Variants in GNA12 observed in about 807,000 individuals in gnomAD.
The protein encoded by GNA12 is guanine nucleotide-binding protein subunit alpha-12.
A neutral mutation model predicts 26.0 loss-of-function variants in GNA12; 9 were observed. The ratio of observed to expected loss-of-function variants is 0.35; its 90% CI spans 0.21 to 0.60. The LOEUF (loss-of-function observed/expected upper bound fraction) is 0.60. Ranked by LOEUF, GNA12 falls within the 20% of genes least tolerant of loss-of-function variation. GNA12 has a pLI of 0.78. For synonymous variants in GNA12, 264 were observed against 219.6 expected, an observed-to-expected ratio of 1.20 and a Z score of -1.79; for missense variants, 405 against 525.8, an observed-to-expected ratio of 0.77 and a Z score of 2.25.
chr7:2,832,820 G>A (rs1208316407), intron 1 of GNA12, among the ~76,000 whole-genome samples: 2 of 152,210 alleles, frequency 1.3e-5, no homozygotes, highest in African/African-American at 2.4e-5. Flanking sequence ...GCGGCTGGAT[G>A]TGCTGCCCTC....
chr7:2,777,698 T>A (rs1032037741), intron 2 of GNA12, among the ~76,000 whole-genome samples: 22 of 152,182 alleles, frequency 1.4e-4, no homozygotes, highest in African/African-American at 4.8e-4. Context: ...GGCCAGCACC[T>A]TGATCTTGGG....
At chr7:2,767,984 A>G (rs1791849198) in intron 2 of GNA12, among the ~76,000 whole-genome samples, 1 of 152,184 alleles carries the variant, frequency 6.6e-6, no homozygotes, top group Non-Finnish European at 1.5e-5. Flanking sequence ...CCTCTTGTGT[A>G]GCTGGGACTA....
intron 1 of GNA12, among the ~76,000 whole-genome samples, chr7:2,842,388 TC>T (rs1487045527): frequency 6.6e-6 from 1 of 152,078 alleles, no homozygotes; most frequent in Non-Finnish European, 1.5e-5. Flanking sequence ...AGCCTCAACC[TC>T]CCAGGCTCAA....
chr7:2,795,382 CCCCTTTGGGAGG>C (rs1385600976), intron 1 of GNA12, among the ~76,000 whole-genome samples: 17 of 152,074 alleles, frequency 1.1e-4, no homozygotes, highest in African/African-American at 3.6e-4. Context: ...CTGTGAGCCT[CCCCTTTGGGAGG>C]CCAAAGAGGG....
chr7:2,795,183 C>T (rs77711396), intron 1 of GNA12, 40 bp from the exon 2 acceptor site: 2 of 1,502,638 alleles, frequency 1.3e-6, no homozygotes, highest in Non-Finnish European at 9.3e-7. Context: ...TAATTGCATT[C>T]CAAAGACTAA....
chr7:2,832,009 A>G (rs924667593), intron 1 of GNA12, among the ~76,000 whole-genome samples: 3 of 152,202 alleles, frequency 2.0e-5, no homozygotes, highest in Admixed American at 2.0e-4. Context: ...TGTAATTTGC[A>G]TCCCGTGGAG....
chr7:2,805,667 A>G (rs1792929117), intron 1 of GNA12, among the ~76,000 whole-genome samples: 1 of 152,250 alleles, frequency 6.6e-6, no homozygotes. Context: ...ACCTCTGAGG[A>G]CCCAACACTT....
In GNA12 at chr7:2,740,996, G is replaced by C. The variant is rs144754695; in HGVS notation, c.526-7495C>G. On this transcript the variant is annotated intron_variant, in intron 2 of 3. Coordinates refer to ENST00000275364, the MANE Select transcript of GNA12 (RefSeq NM_007353.3). ...GGAGGCAGAGCTTGCAGTGAGCTGA[G>C]ATCGGGCCACTGCACTCCTGCCTGG... Among the ~76,000 whole-genome samples the C allele has an allele frequency of 4.8e-3, 726 of 152,338 alleles. 12 individuals carry two copies. The highest frequency in any genetic ancestry group is 0.017 in the African/African-American group (700 of 41,576).
chr7:2,789,055 T>TGATCCACCTGAG (rs1792439956), intron 2 of GNA12, among the ~76,000 whole-genome samples: 1 of 151,288 alleles, frequency 6.6e-6, no homozygotes, highest in Non-Finnish European at 1.5e-5. Flanking sequence ...TGACCTCAAG[T>TGATCCACCTGAG]GATCCACCTG....
chr7:2,750,986 A>G (rs1306937596), intron 2 of GNA12, among the ~76,000 whole-genome samples: 6 of 152,206 alleles, frequency 3.9e-5, no homozygotes, highest in Non-Finnish European at 8.8e-5. Context: ...AGAATTCACA[A>G]TGTACATCAG....
chr7:2,790,646 C>T (rs894296424), intron 2 of GNA12, among the ~76,000 whole-genome samples: 1 of 152,264 alleles, frequency 6.6e-6, no homozygotes, highest in Non-Finnish European at 1.5e-5. Flanking sequence ...TATATCATAC[C>T]ATTCTAATTA....
At chr7:2,786,180 C>T (rs747264987) in intron 2 of GNA12, among the ~76,000 whole-genome samples, 10 of 152,336 alleles carry the variant, frequency 6.6e-5, no homozygotes, top group African/African-American at 1.7e-4. Context: ...TACATGCACA[C>T]GCTCACCAAT....
intron 1 of GNA12, among the ~76,000 whole-genome samples, chr7:2,803,261 C>T (rs145293825): frequency 3.3e-5 from 5 of 152,328 alleles, no homozygotes; most frequent in East Asian, 1.9e-4. Flanking sequence ...CAGCCAGAAT[C>T]GCCACCGCTG....
chr7:2,731,595 C>T lies in GNA12; in HGVS notation c.732G>A (p.Gly244=). The T allele has an allele frequency of 1.2e-6, 2 of 1,613,748 alleles. No individual in the cohort carries two copies. Among genetic ancestry groups the T allele is most frequent in the Non-Finnish European group, 1.7e-6 (2 of 1,179,814 alleles). Residue 244 remains glycine, a synonymous_variant, in exon 4 of 4, where the codon GGG becomes GGA. Coordinates refer to ENST00000275364, the MANE Select transcript of GNA12 (RefSeq NM_007353.3). The surrounding 1 kb of genome is among the most constrained non-coding windows in gnomAD (Gnocchi z 6.0). ...QRQKWFQCFD[G]ITSILFMVSS... is the part of the protein sequence containing the mutation. The stretch of plus-strand genomic sequence containing the variant: ...AGACCATGAACAGGATGGACGTGAT[C>T]CCGTCGAAGCACTGGAACCACTTCT...
At chr7:2,798,655 A>G (rs950763805) in intron 1 of GNA12, among the ~76,000 whole-genome samples, 1 of 152,252 alleles carries the variant, frequency 6.6e-6, no homozygotes, top group Non-Finnish European at 1.5e-5. Flanking sequence ...TATAAATATG[A>G]TTATTTGAAA....
In GNA12 at chr7:2,795,117, T is replaced by C. The variant is rs778991320; in HGVS notation, c.336A>G (p.Arg112=). 3 of 1,613,360 alleles carry C rather than the reference T, an allele frequency of 1.9e-6. No homozygotes were observed. In the South Asian group the frequency reaches 3.3e-5, roughly 18 times the overall value. Residue 112 remains arginine (R), a synonymous_variant, in exon 2 of 4, where the codon CGA becomes CGG. Transcript: ENST00000275364. ...ACTGCCAAGGAATGCCAAGCTTATC[T>C]CGTGCATCAACAAGAACCCTTGAGC... is the stretch of plus-strand genomic sequence containing the variant. ...LKGSRVLVDA[R]DKLGIPWQYS...
intron 2 of GNA12, among the ~76,000 whole-genome samples, chr7:2,770,623 G>A (rs1456256388): frequency 6.6e-6 from 1 of 150,710 alleles, no homozygotes; most frequent in African/African-American, 2.4e-5. Context: ...GCCACATAGT[G>A]AGACTCCATC....
chr7:2,803,103 C>T (rs3216402), intron 1 of GNA12, among the ~76,000 whole-genome samples: 3 of 145,474 alleles, frequency 2.1e-5, no homozygotes, highest in East Asian at 4.0e-4. Context: ...ATGGGGAAAA[C>T]CCAAAAGGCG....
chr7:2,762,464 T>C lies in GNA12; in HGVS notation c.526-28963A>G, dbSNP rs10236683. ...CGCTACTTAACTCCAAAGTCCAGCC[T>C]CTGAACCCACCCGTGTGCGGGGCCT... On this transcript the variant is annotated intron_variant, in intron 2 of 3. Coordinates refer to ENST00000275364, the MANE Select transcript of GNA12 (RefSeq NM_007353.3). 621 of 615,496 alleles carry C rather than the reference T, an allele frequency of 1.0e-3. 3 individuals are homozygous for C. The African/African-American group carries it at 0.01, about 10-fold the overall frequency. The allele number at this position is 615,496 out of a possible 1,614,324, so 38.1% of individuals were successfully genotyped here.
Sources: gnomAD v4.1 joint callset for allele counts (sites outside exome capture counted in the v4.1 genomes callset) on GRCh38, gnomAD v4.1.1 for gene constraint, Gnocchi (gnomAD v3.1) non-coding constraint, MANE v1.5 for transcripts, NCBI Gene and HGNC (gene_info 2026-07-23, HGNC 2026-07-21) for gene names.